Variants in ARHGEF7 observed in about 807,000 individuals in gnomAD.
ARHGEF7 encodes the protein Rho guanine nucleotide exchange factor 7.
In ARHGEF7, 33 loss-of-function variants were observed where a neutral mutation model predicts 109.8. That is an observed-to-expected ratio of 0.30 (90% confidence interval 0.23 to 0.40). ARHGEF7 has a LOEUF of 0.40. Among genes scored for constraint, ARHGEF7 ranks in the 10% least tolerant of loss-of-function variants. The pLI is 1.00. For synonymous variants in ARHGEF7, 458 were observed against 424.6 expected (o/e 1.08, Z -0.97); for missense variants, 938 against 1,098.5 (o/e 0.85, Z 2.07).
intron 2 of ARHGEF7, among the ~76,000 whole-genome samples, chr13:111,195,510 G>T (rs1019381129): frequency 5.3e-5 from 8 of 152,202 alleles, no homozygotes; most frequent in African/African-American, 1.9e-4. Flanking sequence ...ACACTGAGAA[G>T]GCCTCGCCAG....
At chr13:111,212,794 C>G (rs1010505241) in intron 4 of ARHGEF7, among the ~76,000 whole-genome samples, 5 of 152,132 alleles carry the variant, frequency 3.3e-5, no homozygotes, top group Admixed American at 6.5e-5. Context: ...AAAGACTTCT[C>G]TTTTTAAGTC....
rs1425705345 is a variant in ARHGEF7 at position 111,258,463 on chromosome 13, T to C, written c.951-9085T>C. Among the ~76,000 whole-genome samples the C allele has an allele frequency of 1.3e-5, 2 of 152,122 alleles. No individual in the cohort carries two copies. The highest frequency in any genetic ancestry group is 2.9e-5 in the Non-Finnish European group (2 of 68,010). On this transcript the variant is annotated intron_variant, in intron 8 of 21. Transcript: ENST00000646102. The surrounding 1 kb of genome is among the most constrained non-coding windows in gnomAD (Gnocchi z 4.4). ...AGAACCCTGAGGCTCCCGGACGACA[T>C]TTATAGACATACCTTGGACCAAAAG...
intron 5 of ARHGEF7, among the ~76,000 whole-genome samples, chr13:111,220,982 A>G (rs1002440601): frequency 1.3e-5 from 2 of 150,356 alleles, no homozygotes; most frequent in African/African-American, 4.9e-5. Flanking sequence ...ATATATAGAT[A>G]TGAAGGGAAC....
chr13:111,126,968 G>A (rs1170080130), intron 1 of ARHGEF7, among the ~76,000 whole-genome samples: 2 of 152,138 alleles, frequency 1.3e-5, no homozygotes, highest in African/African-American at 2.4e-5. Flanking sequence ...AATTACTAGC[G>A]AGAACAAACA....
chr13:111,223,188 AT>A (rs1238034465), intron 5 of ARHGEF7, among the ~76,000 whole-genome samples: 1 of 152,000 alleles, frequency 6.6e-6, no homozygotes, highest in Non-Finnish European at 1.5e-5. Context: ...GCTATATTGC[AT>A]TTTTTCCAGT....
intron 4 of ARHGEF7, among the ~76,000 whole-genome samples, chr13:111,212,643 CGTCTGGCACA>C (rs2082639301): frequency 6.6e-6 from 1 of 152,176 alleles, no homozygotes; most frequent in Non-Finnish European, 1.5e-5. Context: ...GGGACCTGTA[CGTCTGGCACA>C]GTCCTGATGC....
At position 111,304,252 on chromosome 13, in the gene ARHGEF7, A is replaced by G. The variant is rs2093619382; in HGVS notation, c.*1139A>G. ...CCCACTGTGTTCCAGTGCAGAGGAG[A>G]CGAAGCCTGTCCTCACCGCGGCTCG... On this transcript the variant is annotated 3_prime_UTR_variant, in exon 22 of 22. Transcript: ENST00000646102. 1 of 152,226 alleles carries G rather than the reference A, an allele frequency of 6.6e-6. No individual in the cohort carries two copies. The highest frequency in any genetic ancestry group is 1.5e-5 in the Non-Finnish European group (1 of 68,062). The allele number at this position is 152,226 out of a possible 1,614,324, so 9.4% of individuals were successfully genotyped here.
intron 1 of ARHGEF7, among the ~76,000 whole-genome samples, chr13:111,146,359 C>T (rs1265771828): frequency 6.6e-6 from 1 of 152,208 alleles, no homozygotes; most frequent in African/African-American, 2.4e-5. Flanking sequence ...CTGTGTTACT[C>T]CAGGTGATTC....
chr13:111,141,297 G>T (rs752402681), intron 1 of ARHGEF7, among the ~76,000 whole-genome samples: 4 of 151,478 alleles, frequency 2.6e-5, no homozygotes, highest in African/African-American at 7.3e-5. Context: ...CCTTTACTCC[G>T]CCTAGTCATC....
chr13:111,303,306 A>G lies in ARHGEF7; in HGVS notation c.*193A>G, dbSNP rs1410023669. On this transcript the variant is annotated 3_prime_UTR_variant, in exon 22 of 22. Transcript: ENST00000646102. ...ACCATGACTGATGAATCCAGACAGG[A>G]GGGATTGACTCTGAGGACCTGAGCT... 6.1e-6 allele frequency: 3 copies of G among 493,570 alleles called. No homozygotes were observed. The highest frequency in any genetic ancestry group is 6.5e-5 in the East Asian group (2 of 30,990). 30.6% of individuals were successfully genotyped at this position (493,570 alleles called of 1,614,324 possible).
chr13:111,214,276 T>C (rs528944066), intron 4 of ARHGEF7, among the ~76,000 whole-genome samples: 5 of 152,360 alleles, frequency 3.3e-5, no homozygotes, highest in African/African-American at 1.2e-4. Flanking sequence ...ATCTCCCCTC[T>C]GCTTCCATTC....
At chr13:111,205,568 T>A (rs1244272560) in intron 3 of ARHGEF7, among the ~76,000 whole-genome samples, 195 bp downstream of exon 3, 3 of 152,242 alleles carry the variant, frequency 2.0e-5, no homozygotes, top group Non-Finnish European at 4.4e-5. Context: ...TTAAATGTTC[T>A]GGTATATATC....
At chr13:111,202,007 A>G (rs960369596) in intron 2 of ARHGEF7, among the ~76,000 whole-genome samples, 4 of 152,194 alleles carry the variant, frequency 2.6e-5, no homozygotes, top group African/African-American at 9.7e-5. Flanking sequence ...AAGGAATTTT[A>G]ATGTTAGTTT....
chr13:111,133,247 G>A (rs534208265), intron 1 of ARHGEF7, among the ~76,000 whole-genome samples: 24 of 151,686 alleles, frequency 1.6e-4, no homozygotes, highest in East Asian at 9.7e-4. Context: ...ACACATATGC[G>A]CATATATACA....
intron 16 of ARHGEF7, 50 bp downstream of exon 16, chr13:111,283,413 G>A (rs1490745894): frequency 7.9e-6 from 12 of 1,525,038 alleles, no homozygotes; most frequent in Middle Eastern, 3.8e-4. Context: ...AGCATGCCTC[G>A]GGCCCTGGGT....
intron 3 of ARHGEF7, among the ~76,000 whole-genome samples, chr13:111,207,214 G>C (rs191897629): frequency 3.2e-4 from 48 of 152,246 alleles, no homozygotes; most frequent in Non-Finnish European, 4.9e-4. Context: ...TGTCGTCCAC[G>C]CTGGAACACA....
At chr13:111,296,746 T>G (rs1255021423) in intron 19 of ARHGEF7, among the ~76,000 whole-genome samples, 2 of 152,092 alleles carry the variant, frequency 1.3e-5, no homozygotes, top group Non-Finnish European at 2.9e-5. Context: ...GAAAGTTAAG[T>G]GAGTATTTTT....
At chr13:111,244,039 A>G (rs956063768) in intron 7 of ARHGEF7, 73 bp downstream of exon 7, 2 of 1,384,748 alleles carry the variant, frequency 1.4e-6, no homozygotes, top group Non-Finnish European at 2.0e-6. Context: ...ATTTTCAGAG[A>G]ATAGAGGGTT....
intron 1 of ARHGEF7, among the ~76,000 whole-genome samples, chr13:111,136,157 T>A (rs979926452): frequency 5.3e-5 from 8 of 152,186 alleles, no homozygotes; most frequent in Non-Finnish European, 1.2e-4. Flanking sequence ...CACTTGATCA[T>A]GGTGGATAAG....
Sources: gnomAD v4.1 joint callset for allele counts (sites outside exome capture counted in the v4.1 genomes callset) on GRCh38, gnomAD v4.1.1 for gene constraint, Gnocchi (gnomAD v3.1) non-coding constraint, MANE v1.5 for transcripts, NCBI Gene and HGNC (gene_info 2026-07-23, HGNC 2026-07-21) for gene names.